Variants in MYO1D observed in about 807,000 individuals in gnomAD.
The protein encoded by MYO1D is myosin ID.
A neutral mutation model predicts 122.0 loss-of-function variants in MYO1D; 83 were observed. The observed-to-expected ratio is 0.68, with a 90% CI of 0.57 to 0.82. MYO1D has a LOEUF of 0.82. Among genes scored for constraint, MYO1D ranks in the 40% least tolerant of loss-of-function variants. The pLI is 0.00. For synonymous variants in MYO1D, 464 were observed against 446.9 expected (o/e 1.04, Z -0.48); for missense variants, 1,157 against 1,269.5 (o/e 0.91, Z 1.35).
intron 21 of MYO1D, among the ~76,000 whole-genome samples, chr17:32,526,162 C>T (rs1247216429): frequency 1.3e-5 from 2 of 152,196 alleles, no homozygotes; most frequent in Non-Finnish European, 2.9e-5. Context: ...ATCCCGTCTA[C>T]TCATCTGGTT....
intron 20 of MYO1D, among the ~76,000 whole-genome samples, chr17:32,623,175 T>C (rs1332546446): frequency 2.0e-5 from 3 of 152,190 alleles, no homozygotes; most frequent in African/African-American, 7.2e-5. Flanking sequence ...CTTTACTTGT[T>C]CCCACTAGAT....
At chr17:32,741,839 C>T (rs570046597) in intron 13 of MYO1D, among the ~76,000 whole-genome samples, 3 of 151,982 alleles carry the variant, frequency 2.0e-5, no homozygotes, top group East Asian at 1.9e-4. Context: ...CAGTGAAACC[C>T]CGTCTCTACT....
At chr17:32,810,042 G>C (rs552350295) in intron 1 of MYO1D, among the ~76,000 whole-genome samples, 1 of 152,204 alleles carries the variant, frequency 6.6e-6, no homozygotes, top group Non-Finnish European at 1.5e-5. Flanking sequence ...TGGCATGCAG[G>C]TGACCTTGAC....
chr17:32,593,761 C>A (rs2087461728), intron 21 of MYO1D, among the ~76,000 whole-genome samples: 2 of 152,212 alleles, frequency 1.3e-5, no homozygotes, highest in East Asian at 3.9e-4. Flanking sequence ...CATAGTGAAA[C>A]CCCATCTCTA....
intron 1 of MYO1D, among the ~76,000 whole-genome samples, chr17:32,874,227 T>C (rs747969556): frequency 1.1e-4 from 17 of 151,552 alleles, no homozygotes; most frequent in Non-Finnish European, 1.8e-4. Context: ...ATAAGGCTTT[T>C]ATCTTCTCTT....
At chr17:32,499,920 G>T (rs973155089) in intron 21 of MYO1D, among the ~76,000 whole-genome samples, 2 of 152,138 alleles carry the variant, frequency 1.3e-5, no homozygotes, top group African/African-American at 4.8e-5. Flanking sequence ...CCGAGACTGA[G>T]CCACCACACT....
intron 10 of MYO1D, among the ~76,000 whole-genome samples, chr17:32,756,535 AC>A (rs2089949069): frequency 6.6e-6 from 1 of 151,660 alleles, no homozygotes; most frequent in African/African-American, 2.4e-5. Context: ...TTTGTTAACA[AC>A]CCTTTATCTC....
chr17:32,679,052 G>A (rs2088867592), intron 16 of MYO1D, among the ~76,000 whole-genome samples: 1 of 151,522 alleles, frequency 6.6e-6, no homozygotes, highest in Non-Finnish European at 1.5e-5. Flanking sequence ...CTGCATAAAT[G>A]TCTTCTTTTG....
intron 16 of MYO1D, among the ~76,000 whole-genome samples, chr17:32,702,136 C>G (rs1371042201): frequency 6.6e-6 from 1 of 152,126 alleles, no homozygotes; most frequent in Non-Finnish European, 1.5e-5. Flanking sequence ...GATATAAGAA[C>G]AGAAAAAAAT....
chr17:32,601,452 A>G (rs1171730489), intron 21 of MYO1D, among the ~76,000 whole-genome samples: 2 of 152,206 alleles, frequency 1.3e-5, no homozygotes, highest in Non-Finnish European at 2.9e-5. Flanking sequence ...GTTGTCCTAC[A>G]TGGGTACAGT....
chr17:32,760,437 A>C, intron 9 of MYO1D, 33 bp from the exon 10 acceptor site: 2 of 1,604,292 alleles, frequency 1.2e-6, no homozygotes, highest in Non-Finnish European at 1.7e-6. Flanking sequence ...AGTTTCAACA[A>C]ATAGAAAACA....
At chr17:32,537,996 A>G (rs1177638694) in intron 21 of MYO1D, among the ~76,000 whole-genome samples, 1 of 152,108 alleles carries the variant, frequency 6.6e-6, no homozygotes, top group African/African-American at 2.4e-5. Context: ...AATTTCTTGT[A>G]TATTTTTGTA....
At chr17:32,712,570 G>T (rs2089392366) in intron 15 of MYO1D, among the ~76,000 whole-genome samples, 1 of 152,148 alleles carries the variant, frequency 6.6e-6, no homozygotes, top group Admixed American at 6.5e-5. Context: ...GACATAGTGA[G>T]ACCAAGACAT....
Position 32,494,758 on chromosome 17 carries a change from G to A in MYO1D, c.*1C>T, listed in dbSNP as rs745970658. 6.9e-6 allele frequency: 11 copies of A among 1,597,510 alleles called. No homozygotes were observed. Among genetic ancestry groups the A allele is most frequent in the African/African-American group, 4.0e-5 (3 of 74,436 alleles). ...GCTCCGGGCCAGGCCTCCGCGGGGC[G>A]TCAGTTCCCGGGCACGCTGAGGATG... On this transcript the variant is annotated 3_prime_UTR_variant, in exon 22 of 22. Coordinates refer to ENST00000318217, the MANE Select transcript of MYO1D (RefSeq NM_015194.3).
At chr17:32,609,733 C>T (rs1192652632) in intron 20 of MYO1D, among the ~76,000 whole-genome samples, 2 of 151,780 alleles carry the variant, frequency 1.3e-5, no homozygotes, top group African/African-American at 4.8e-5. Flanking sequence ...GAGGTGAGTT[C>T]TTGGGTTGAT....
rs1327304885 is a variant in MYO1D, at chr17:32,548,039, A to G, written c.2865-53124T>C. ...TAGTTTGTTCTTAACATGACGAGAG[A>G]GCACTCATCATTGCAGTTGCTATAG... On this transcript the variant is annotated intron_variant, in intron 21 of 21. Transcript: ENST00000318217. Among the ~76,000 whole-genome samples the G allele has an allele frequency of 2.0e-5, 3 of 152,134 alleles. No homozygotes were observed. The South Asian group carries it at 6.2e-4, about 32-fold the overall frequency.
At chr17:32,662,803 C>G (rs1339931513) in intron 16 of MYO1D, among the ~76,000 whole-genome samples, 1 of 152,006 alleles carries the variant, frequency 6.6e-6, no homozygotes, top group East Asian at 1.9e-4. Flanking sequence ...TTAATACATA[C>G]GCAACACTTA....
At chr17:32,563,312 C>T (rs1213988479) in intron 21 of MYO1D, among the ~76,000 whole-genome samples, 1 of 149,446 alleles carries the variant, frequency 6.7e-6, no homozygotes, top group African/African-American at 2.5e-5. Context: ...CGGGTTCCAG[C>T]GATTCTTTTG....
At chr17:32,573,017 T>C (rs2087245447) in intron 21 of MYO1D, among the ~76,000 whole-genome samples, 1 of 152,136 alleles carries the variant, frequency 6.6e-6, no homozygotes, top group South Asian at 2.1e-4. Context: ...AAGAACTGTT[T>C]TGTTCACTGC....
Sources: allele counts gnomAD v4.1 joint callset (sites outside exome capture counted in the v4.1 genomes callset), GRCh38; gene constraint gnomAD v4.1.1; transcripts MANE v1.5; gene names NCBI Gene and HGNC (gene_info 2026-07-23, HGNC 2026-07-21).